Variants in CNGB1 observed in about 807,000 individuals in gnomAD.
CNGB1 encodes the protein cyclic nucleotide-gated channel beta-1.
CNGB1 carries 126 observed loss-of-function variants against 151.7 expected under a neutral mutation model. The ratio of observed to expected loss-of-function variants is 0.83; its 90% CI spans 0.72 to 0.96. The LOEUF (loss-of-function observed/expected upper bound fraction) is 0.96. CNGB1 is among the 40% of genes least tolerant of loss of function. CNGB1 has a pLI of 0.00. For missense variants in CNGB1, 1,698 were observed against 1,627.0 expected (o/e 1.04, Z -0.75); for synonymous variants, 623 against 635.1 (o/e 0.98, Z 0.29).
intron 7 of CNGB1, 98 bp downstream of exon 7, chr16:57,962,467 C>T: frequency 9.2e-7 from 1 of 1,083,138 alleles, no homozygotes; most frequent in Non-Finnish European, 1.4e-6. Flanking sequence ...TCCAAGGTCA[C>T]ACCCTGAGGT....
chr16:57,943,976 C>T (rs1405627761), intron 14 of CNGB1, among the ~76,000 whole-genome samples: 1 of 152,018 alleles, frequency 6.6e-6, no homozygotes, highest in Non-Finnish European at 1.5e-5. Flanking sequence ...CAACCTCAGC[C>T]TCCCGAGTTC....
At chr16:57,969,772 C>T (rs1281682813) in intron 1 of CNGB1, among the ~76,000 whole-genome samples, 2 of 152,212 alleles carry the variant, frequency 1.3e-5, no homozygotes, top group African/African-American at 4.8e-5. Context: ...GGAGCCCCAG[C>T]CCTTATGACT....
intron 29 of CNGB1, among the ~76,000 whole-genome samples, chr16:57,900,515 C>T (rs1960355923): frequency 6.6e-6 from 1 of 152,160 alleles, no homozygotes; most frequent in South Asian, 2.1e-4. Flanking sequence ...CACCAAGTGA[C>T]CTTGGTCTCA....
intron 7 of CNGB1, among the ~76,000 whole-genome samples, chr16:57,961,415 G>A (rs1257054053): frequency 6.6e-6 from 1 of 152,170 alleles, no homozygotes; most frequent in East Asian, 1.9e-4. Flanking sequence ...ATCAAGCATT[G>A]GATCCCAAAT....
At chr16:57,959,772 A>T in intron 10 of CNGB1, 116 bp downstream of exon 10, 1 of 1,308,242 alleles carries the variant, frequency 7.6e-7, no homozygotes, top group Non-Finnish European at 1.0e-6. Context: ...CTTGGGAAGG[A>T]GGCTGCACAC....
At chr16:57,921,320 C>T (rs1189802462) in intron 18 of CNGB1, among the ~76,000 whole-genome samples, 1 of 146,720 alleles carries the variant, frequency 6.8e-6, no homozygotes, top group African/African-American at 2.6e-5. Context: ...CTCCTGGGTT[C>T]AAGCAATTCT....
At chr16:57,963,109 T>A in intron 4 of CNGB1, 45 bp from the exon 5 acceptor site, 1 of 1,433,600 alleles carries the variant, frequency 7.0e-7, no homozygotes. Context: ...TTCCCCTAGC[T>A]CAATGAGGCC....
rs191348446 is a variant in CNGB1 at position 57,912,797 on chromosome 16, A to G, written c.2369+133T>C. 96 of 851,262 alleles carry G rather than the reference A, an allele frequency of 1.1e-4. 1 individual carries two copies. The highest frequency in any genetic ancestry group is 4.8e-4 in the Middle Eastern group (2 of 4,182). 52.7% of individuals were successfully genotyped at this position (851,262 alleles called of 1,614,324 possible). A position where few individuals can be genotyped will look rare whatever the true frequency, so the allele number is the denominator to read the frequency against. ...ATGTTGTGTGTGCATGTATGTGTGT[A>G]TGTTGTGTGTGTGTTGTGTGTGTCG... is the stretch of plus-strand genomic sequence containing the variant. On this transcript the variant is annotated intron_variant, in intron 24 of 32. Transcript: ENST00000251102.
chr16:57,904,267 G>A (rs1487813346), intron 26 of CNGB1, among the ~76,000 whole-genome samples: 1 of 152,164 alleles, frequency 6.6e-6, no homozygotes, highest in Non-Finnish European at 1.5e-5. Context: ...GGGCTGGGCT[G>A]ATTCTGGTAC....
chr16:57,949,816 A>G (rs1961904734), intron 13 of CNGB1, among the ~76,000 whole-genome samples: 1 of 152,208 alleles, frequency 6.6e-6, no homozygotes, highest in Admixed American at 6.5e-5. Context: ...GCGACTTGGC[A>G]ATCATGACCA....
chr16:57,909,545 C>A (rs974084906), intron 25 of CNGB1, among the ~76,000 whole-genome samples: 1 of 152,062 alleles, frequency 6.6e-6, no homozygotes, highest in Non-Finnish European at 1.5e-5. Context: ...TGCATCACCA[C>A]GCCTGGCTAA....
intron 17 of CNGB1, 78 bp downstream of exon 17, chr16:57,931,638 T>C: frequency 8.6e-6 from 13 of 1,520,388 alleles, no homozygotes; most frequent in Non-Finnish European, 1.2e-5. Context: ...CTTCTCCCTC[T>C]GGCCTCAGTC....
intron 1 of CNGB1, among the ~76,000 whole-genome samples, chr16:57,968,378 T>A (rs1333069027): frequency 2.0e-5 from 3 of 152,094 alleles, no homozygotes; most frequent in Admixed American, 1.3e-4. Flanking sequence ...GCACCTGTAA[T>A]CCCAGCTACT....
At chr16:57,946,001 G>T (rs959492501) in intron 14 of CNGB1, among the ~76,000 whole-genome samples, 1 of 152,136 alleles carries the variant, frequency 6.6e-6, no homozygotes, top group African/African-American at 2.4e-5. Flanking sequence ...CTGTCTAGGG[G>T]CCATGTTACC....
At chr16:57,942,682 C>T (rs75926242) in intron 14 of CNGB1, among the ~76,000 whole-genome samples, 5,068 of 151,676 alleles carry the variant, frequency 0.033, 289 homozygotes, top group African/African-American at 0.11. Context: ...CTGAACAACA[C>T]GGCAAAATCC....
chr16:57,899,330 A>AATAAT (rs1309468170), intron 29 of CNGB1, among the ~76,000 whole-genome samples: 2 of 145,416 alleles, frequency 1.4e-5, no homozygotes, highest in Non-Finnish European at 3.0e-5. Context: ...CAGAAAAAAA[A>AATAAT]AATAATAATA....
chr16:57,888,013 G>T lies in CNGB1; in HGVS notation c.3304C>A (p.Arg1102=), dbSNP rs201231319. 1 of 1,614,060 alleles carries T rather than the reference G, an allele frequency of 6.2e-7. No individual in the cohort carries two copies. The highest frequency in any genetic ancestry group is 8.5e-7 in the Non-Finnish European group (1 of 1,180,052). The change falls in exon 32 of 33, where the codon CGG becomes AGG. Residue 1102 remains arginine, a synonymous_variant. Coordinates refer to ENST00000251102, the MANE Select transcript of CNGB1 (RefSeq NM_001297.5). Reference sequence around the variant, plus strand: ...TTGAAGAGCTTTGGGGTGCCCGCCCGGGGTGGAAGGATCAGCACGCTCTTC... The same window carrying T: ...TTGAAGAGCTTTGGGGTGCCCGCCCTGGGTGGAAGGATCAGCACGCTCTTC... ...EEKSVLILPP[R]AGTPKLFNAA...
In CNGB1 at chr16:57,899,663, T is replaced by C. The variant is rs144132805; in HGVS notation, c.2976+1689A>G. The stretch of plus-strand genomic sequence containing the variant: ...TCAAATAAACAAACAAACAAACAAA[T>C]AAATAAATAAGGGGTGGGGGGAGTG... On this transcript the variant is annotated intron_variant, in intron 29 of 32. Transcript: ENST00000251102. 1.3e-4 allele frequency among the ~76,000 whole-genome samples: 19 copies of C among 142,968 alleles called. No homozygotes were observed. The East Asian group carries it at 1.5e-3, about 11-fold the overall frequency. 93.8% of individuals were successfully genotyped at this position (142,968 alleles called of 152,430 possible).
rs185188678 is a variant in CNGB1 at position 57,969,479 on chromosome 16, G to A, written c.-9+1581C>T. Among the ~76,000 whole-genome samples the A allele has an allele frequency of 2.1e-3, 326 of 152,142 alleles. 5 individuals are homozygous for A. Among genetic ancestry groups the A allele is most frequent in the Admixed American group, 0.02 (312 of 15,270 alleles). On this transcript the variant is annotated intron_variant, in intron 1 of 32. Transcript: ENST00000251102. ...CAAAAATACAAAAAATTAGCCCAGCGTGGTGGCACGTGCCTGTAGTACCAG... is the reference window on the plus strand; with the variant it reads ...CAAAAATACAAAAAATTAGCCCAGCATGGTGGCACGTGCCTGTAGTACCAG...
Sources: gnomAD v4.1 joint callset for allele counts (sites outside exome capture counted in the v4.1 genomes callset) on GRCh38, gnomAD v4.1.1 for gene constraint, MANE v1.5 for transcripts, NCBI Gene and HGNC (gene_info 2026-07-23, HGNC 2026-07-21) for gene names.